Variants in WWTR1 observed in about 807,000 individuals in gnomAD.
WWTR1 encodes WW domain containing transcription regulator 1.
WWTR1 carries 13 observed loss-of-function variants against 40.1 expected under a neutral mutation model. The ratio of observed to expected loss-of-function variants is 0.32; its 90% CI spans 0.21 to 0.52. The LOEUF is 0.52. Ranked by LOEUF, WWTR1 falls within the 20% of genes least tolerant of loss-of-function variation. WWTR1 has a pLI of 0.97. For missense variants in WWTR1, 436 were observed against 523.1 expected (o/e 0.83, Z 1.63); for synonymous variants, 230 against 210.1 (o/e 1.09, Z -0.82).
At chr3:149,603,555 C>A (rs1051885152) in intron 2 of WWTR1, among the ~76,000 whole-genome samples, 4 of 135,200 alleles carry the variant, frequency 3.0e-5, no homozygotes, top group South Asian at 4.3e-4. Context: ...TCCCCACCCC[C>A]CCCTTGTACT....
chr3:149,571,214 CTTTTTTTTTT>C (rs10535515), intron 3 of WWTR1, among the ~76,000 whole-genome samples: 6 of 101,272 alleles, frequency 5.9e-5, no homozygotes, highest in Middle Eastern at 5.7e-3. Flanking sequence ...TTTTTCTTTT[CTTTTTTTTTT>C]TTTTTTTTTT....
At chr3:149,693,226 G>C (rs1200174802) in intron 1 of WWTR1, among the ~76,000 whole-genome samples, 2 of 152,062 alleles carry the variant, frequency 1.3e-5, no homozygotes, top group Non-Finnish European at 2.9e-5. Context: ...AATATCCCAT[G>C]TACAATAACT....
intron 2 of WWTR1, among the ~76,000 whole-genome samples, chr3:149,577,355 A>T (rs1377349912): frequency 6.6e-6 from 1 of 152,132 alleles, no homozygotes; most frequent in East Asian, 1.9e-4. Flanking sequence ...CCTCGACTTA[A>T]AAAAAAGAAA....
chr3:149,700,428 C>A (rs994699389), intron 1 of WWTR1, among the ~76,000 whole-genome samples: 1 of 152,060 alleles, frequency 6.6e-6, no homozygotes, highest in African/African-American at 2.4e-5. Context: ...TCAGTGAGTA[C>A]AGAAAGGGTG....
chr3:149,683,258 T>A (rs1714516435), intron 1 of WWTR1, among the ~76,000 whole-genome samples: 2 of 152,232 alleles, frequency 1.3e-5, no homozygotes, highest in South Asian at 4.1e-4. Context: ...CAAGGTCACA[T>A]GGCTAGTAAA....
chr3:149,628,737 T>TATTTTATTTTA (rs1353160159), intron 2 of WWTR1, among the ~76,000 whole-genome samples: 20 of 144,650 alleles, frequency 1.4e-4, no homozygotes, highest in African/African-American at 4.9e-4. Context: ...CTTTTTATTT[T>TATTTTATTTTA]TTTTATTTTA....
intron 4 of WWTR1, among the ~76,000 whole-genome samples, chr3:149,723,795 C>T (rs532523879): frequency 1.3e-5 from 2 of 152,176 alleles, no homozygotes; most frequent in African/African-American, 2.4e-5. Context: ...AGTGCAACAA[C>T]AAAACCTGCT....
rs1194626411 is a variant in WWTR1 at position 149,649,853 on chromosome 3, G to A, written c.431+7023C>T. 5 of 150,692 alleles carry A rather than the reference G, an allele frequency of 3.3e-5. No individual in the cohort carries two copies. In the East Asian group the frequency reaches 7.9e-4, roughly 24 times the overall value. The allele number at this position is 150,692 out of a possible 1,614,324, so 9.3% of individuals were successfully genotyped here. ...AATCAGCTGAACCTGGGAGCAGGAG[G>A]CTGCCGTGAGCTGAGATGGCGCCAT... On this transcript the variant is annotated intron_variant, in intron 2 of 6. Transcript: ENST00000360632.
intron 2 of WWTR1, among the ~76,000 whole-genome samples, chr3:149,629,507 A>T (rs191850452): frequency 5.5e-4 from 83 of 152,292 alleles, no homozygotes; most frequent in African/African-American, 1.9e-3. Flanking sequence ...GGTTTCTCCA[A>T]CCTCACTCCT....
intron 4 of WWTR1, chr3:149,540,136 G>T: frequency 2.4e-6 from 1 of 417,542 alleles, no homozygotes; most frequent in African/African-American, 2.2e-5. Flanking sequence ...AGTCAAGGCT[G>T]AACTACATGA....
At chr3:149,550,775 C>CAAA (rs1736584893) in intron 3 of WWTR1, among the ~76,000 whole-genome samples, 1 of 146,786 alleles carries the variant, frequency 6.8e-6, no homozygotes, top group African/African-American at 2.6e-5. Flanking sequence ...GCTTGAATAT[C>CAAA]TGCTGACATT....
At chr3:149,597,569 C>T (rs999991451) in intron 2 of WWTR1, among the ~76,000 whole-genome samples, 21 of 151,750 alleles carry the variant, frequency 1.4e-4, no homozygotes, top group Admixed American at 1.4e-3. Context: ...CACCTGAGCT[C>T]AAGGGAGGGT....
intron 1 of WWTR1, among the ~76,000 whole-genome samples, chr3:149,678,136 A>G (rs1437419446): frequency 6.6e-6 from 1 of 152,166 alleles, no homozygotes; most frequent in African/African-American, 2.4e-5. Flanking sequence ...GTAATGGTGC[A>G]TTTCTTGAGA....
intron 2 of WWTR1, among the ~76,000 whole-genome samples, chr3:149,622,855 G>A (rs927974839): frequency 1.2e-4 from 18 of 151,588 alleles, no homozygotes; most frequent in African/African-American, 4.1e-4. Flanking sequence ...ACACCACTGC[G>A]CTCCAGTCTG....
chr3:149,527,796 A>T (rs1191945928), intron 5 of WWTR1, 40 bp downstream of exon 5: 1 of 1,611,950 alleles, frequency 6.2e-7, no homozygotes, highest in Admixed American at 1.7e-5. Flanking sequence ...ATCACATAAT[A>T]AAGAGAATAA....
At chr3:149,589,006 A>G (rs1370390165) in intron 2 of WWTR1, among the ~76,000 whole-genome samples, 2 of 152,202 alleles carry the variant, frequency 1.3e-5, no homozygotes, top group Non-Finnish European at 2.9e-5. Flanking sequence ...TTCTATAATT[A>G]AGCAATATTT....
chr3:149,641,244 C>T (rs1462141490), intron 2 of WWTR1, among the ~76,000 whole-genome samples: 1 of 152,318 alleles, frequency 6.6e-6, no homozygotes, highest in East Asian at 1.9e-4. Flanking sequence ...TCAGTTTACA[C>T]CTCCACACTT....
intron 2 of WWTR1, among the ~76,000 whole-genome samples, chr3:149,617,864 C>A (rs1740062550): frequency 6.6e-6 from 1 of 152,082 alleles, no homozygotes; most frequent in African/African-American, 2.4e-5. Context: ...CAATATTATT[C>A]ATGGACTCTG....
rs561728852 is a variant in WWTR1 at position 149,556,313 on chromosome 3, G to T, written c.569-13776C>A. Among the ~76,000 whole-genome samples the T allele has an allele frequency of 4.6e-5, 7 of 152,316 alleles. No individual in the cohort carries two copies. The South Asian group carries it at 1.5e-3, about 32-fold the overall frequency. ...AGTGTGAAGCAGGCCGGGTGCAGGG[G>T]CTCATGCCTGTAATCCCAGCACTTT... is the stretch of plus-strand genomic sequence containing the variant. On this transcript the variant is annotated intron_variant, in intron 3 of 6. Transcript: ENST00000360632.
Sources: gnomAD v4.1 joint callset for allele counts (sites outside exome capture counted in the v4.1 genomes callset) on GRCh38, gnomAD v4.1.1 for gene constraint, MANE v1.5 for transcripts, NCBI Gene and HGNC (gene_info 2026-07-23, HGNC 2026-07-21) for gene names.